SNX27: variants seen among roughly 807,000 people sequenced by gnomAD.
The protein encoded by SNX27 is sorting nexin 27.
A neutral mutation model predicts 71.6 loss-of-function variants in SNX27; 22 were observed. The observed-to-expected ratio is 0.31, with a 90% confidence interval of 0.22 to 0.44. The LOEUF is 0.44. Ranked by LOEUF, SNX27 falls within the 20% of genes least tolerant of loss-of-function variation. SNX27 has a pLI of 1.00. For synonymous variants in SNX27, 269 were observed against 277.2 expected (o/e 0.97, Z 0.29); for missense variants, 531 against 698.6 (o/e 0.76, Z 2.70).
intron 7 of SNX27, among the ~76,000 whole-genome samples, chr1:151,681,064 A>G (rs1670921830): frequency 6.6e-6 from 1 of 152,054 alleles, no homozygotes; most frequent in South Asian, 2.1e-4. Context: ...TAATAGCTAA[A>G]TGATACTAAT....
chr1:151,649,639 T>C (rs1669232342), intron 2 of SNX27, among the ~76,000 whole-genome samples: 1 of 152,186 alleles, frequency 6.6e-6, no homozygotes, highest in Non-Finnish European at 1.5e-5. Flanking sequence ...ATGAGAAGCC[T>C]GCTTGTTTTA....
At chr1:151,644,850 G>A (rs1330764550) in intron 2 of SNX27, among the ~76,000 whole-genome samples, 1 of 152,094 alleles carries the variant, frequency 6.6e-6, no homozygotes, top group Non-Finnish European at 1.5e-5. Context: ...CTAGGCTGGA[G>A]TGCAGTGGCG....
intron 1 of SNX27, among the ~76,000 whole-genome samples, chr1:151,615,079 C>G (rs903060189): frequency 2.0e-5 from 3 of 152,192 alleles, no homozygotes; most frequent in South Asian, 4.1e-4. Flanking sequence ...AGAGAAAAAA[C>G]ATTACTTTTT....
At chr1:151,618,229 T>C (rs1355391088) in intron 1 of SNX27, among the ~76,000 whole-genome samples, 1 of 152,182 alleles carries the variant, frequency 6.6e-6, no homozygotes, top group East Asian at 1.9e-4. Flanking sequence ...TTGTGAAATG[T>C]AACTATTTTA....
chr1:151,645,577 G>A (rs1359107570), intron 2 of SNX27, among the ~76,000 whole-genome samples: 1 of 152,206 alleles, frequency 6.6e-6, no homozygotes, highest in Non-Finnish European at 1.5e-5. Context: ...CATCCAAGAA[G>A]GGATTAGTCT....
intron 1 of SNX27, among the ~76,000 whole-genome samples, chr1:151,617,144 G>A (rs2102590660): frequency 6.6e-6 from 1 of 152,180 alleles, no homozygotes; most frequent in South Asian, 2.1e-4. Flanking sequence ...TTTATTTATT[G>A]GATCTTGCTA....
rs1334876785 is a variant in SNX27 at position 151,696,514 on chromosome 1, G to GTTCTTTCTTTCT, written c.*2104_*2105insTTTCTTTCTTTC. On this transcript the variant is annotated 3_prime_UTR_variant, in exon 12 of 12. Transcript: ENST00000458013. ...CTTTCTTTCTTTCTTTCGTTCTTTCGTTCTTTCGTTCTTTCTTTCTTTCTT... is the reference window on the plus strand; with the variant it reads ...CTTTCTTTCTTTCTTTCGTTCTTTCGTTCTTTCTTTCTTTCTTTCGTTCTTTCTTTCTTTCTT... 5 of 118,760 alleles carry GTTCTTTCTTTCT rather than the reference G, an allele frequency of 4.2e-5. 1 individual carries two copies. Among genetic ancestry groups the GTTCTTTCTTTCT allele is most frequent in the African/African-American group, 1.6e-4 (5 of 31,120 alleles). 7.4% of individuals were successfully genotyped at this position (118,760 alleles called of 1,614,324 possible).
chr1:151,662,446 G>T lies in SNX27; in HGVS notation c.906+176G>T, dbSNP rs1670002836. On this transcript the variant is annotated intron_variant, in intron 5 of 11. Transcript: ENST00000458013. ...GTACTTTGCCCTCCTTAAAAGAAAG[G>T]TACGGTAAATATCCCAGGTTGTAGT... 3 of 409,960 alleles carry T rather than the reference G, an allele frequency of 7.3e-6. No individual in the cohort carries two copies. In the Admixed American group the frequency reaches 1.2e-4, roughly 16 times the overall value. The allele number at this position is 409,960 out of a possible 1,614,324, so 25.4% of individuals were successfully genotyped here. A position where few individuals can be genotyped will look rare whatever the true frequency, so the allele number is the denominator to read the frequency against.
At chr1:151,627,226 G>A (rs1396290188) in intron 1 of SNX27, among the ~76,000 whole-genome samples, 3 of 152,084 alleles carry the variant, frequency 2.0e-5, no homozygotes, top group Non-Finnish European at 2.9e-5. Flanking sequence ...CTGATCTTCC[G>A]TGAATTTCCA....
At chr1:151,644,268 T>C (rs1668921633) in intron 2 of SNX27, among the ~76,000 whole-genome samples, 1 of 152,202 alleles carries the variant, frequency 6.6e-6, no homozygotes, top group African/African-American at 2.4e-5. Flanking sequence ...AAAAAGAATC[T>C]CATTCCTTGT....
intron 1 of SNX27, among the ~76,000 whole-genome samples, chr1:151,622,258 AGCTGTTTTTTT>A (rs1667707989): frequency 6.6e-6 from 1 of 152,122 alleles, no homozygotes; most frequent in Non-Finnish European, 1.5e-5. Flanking sequence ...AAGGTATTTC[AGCTGTTTTTTT>A]CAGTTGTCAT....
At chr1:151,648,007 C>A (rs1458316594) in intron 2 of SNX27, among the ~76,000 whole-genome samples, 8 of 151,266 alleles carry the variant, frequency 5.3e-5, no homozygotes, top group Admixed American at 6.6e-5. Context: ...AAAAAAACAA[C>A]AAAAAAACAA....
chr1:151,690,496 T>G (rs1345319849), intron 8 of SNX27, among the ~76,000 whole-genome samples: 2 of 151,926 alleles, frequency 1.3e-5, no homozygotes, highest in Non-Finnish European at 2.9e-5. Context: ...AGTGGTGCAG[T>G]CTCAGCCAGG....
chr1:151,692,694 T>C, intron 9 of SNX27, 110 bp downstream of exon 9: 5 of 1,498,218 alleles, frequency 3.3e-6, no homozygotes, highest in Non-Finnish European at 3.6e-6. Flanking sequence ...AAAACTGTAT[T>C]TTGACTGGGG....
intron 1 of SNX27, among the ~76,000 whole-genome samples, chr1:151,620,261 T>A (rs1667611557): frequency 6.6e-6 from 1 of 152,230 alleles, no homozygotes; most frequent in Non-Finnish European, 1.5e-5. Flanking sequence ...CTTTATGAGC[T>A]CAGAATATAG....
intron 1 of SNX27, among the ~76,000 whole-genome samples, chr1:151,630,869 T>G (rs1668197743): frequency 6.6e-6 from 1 of 152,138 alleles, no homozygotes; most frequent in Non-Finnish European, 1.5e-5. Context: ...CCGTCTCTAC[T>G]AAAAATACAA....
Position 151,612,535 on chromosome 1 carries a change from G to GC in SNX27, c.311+27dup. On this transcript the variant is annotated intron_variant, in intron 1 of 11. Transcript: ENST00000458013. This position sits in a 1 kb window ranked among gnomAD's most constrained non-coding sequence, Gnocchi z 5.2. ...GGTGTGAGTATCGGGGCTACCCGCC[G>GC]CCCCATCCTCCCCGCGCCCCTCCTG... The GC allele has an allele frequency of 7.7e-7, 1 of 1,306,280 alleles. No homozygotes were observed. Among genetic ancestry groups the GC allele is most frequent in the South Asian group, 1.9e-5 (1 of 52,630 alleles). The allele number at this position is 1,306,280 out of a possible 1,614,324, so 80.9% of individuals were successfully genotyped here. A position where few individuals can be genotyped will look rare whatever the true frequency, so the allele number is the denominator to read the frequency against.
chr1:151,670,084 T>C (rs1448164166), intron 7 of SNX27, among the ~76,000 whole-genome samples: 1 of 152,134 alleles, frequency 6.6e-6, no homozygotes, highest in Non-Finnish European at 1.5e-5. Flanking sequence ...TCCTACTCTC[T>C]ATCTCCATGG....
intron 1 of SNX27, among the ~76,000 whole-genome samples, chr1:151,623,394 C>G (rs1367363129): frequency 6.6e-6 from 1 of 152,040 alleles, no homozygotes; most frequent in African/African-American, 2.4e-5. Context: ...CCCACCTTGG[C>G]CTCCCAAAGT....
Sources: allele counts gnomAD v4.1 joint callset (sites outside exome capture counted in the v4.1 genomes callset), GRCh38; gene constraint gnomAD v4.1.1; non-coding constraint Gnocchi (gnomAD v3.1); transcripts MANE v1.5; gene names NCBI Gene and HGNC (gene_info 2026-07-23, HGNC 2026-07-21).